Variants in ASAP1 observed in about 807,000 individuals in gnomAD.
The protein encoded by ASAP1 is ArfGAP with SH3 domain, ankyrin repeat and PH domain 1.
Under a neutral mutation model 145.2 loss-of-function variants are expected in ASAP1, and 43 were observed. That is an observed-to-expected ratio of 0.30 (90% CI 0.23 to 0.38). ASAP1 has a LOEUF of 0.38. ASAP1 is among the 10% of genes least tolerant of loss of function. The pLI is 1.00. For missense variants in ASAP1, 1,018 were observed against 1,355.3 expected, an observed-to-expected ratio of 0.75 and a Z score of 3.91; for synonymous variants, 546 against 515.5, an observed-to-expected ratio of 1.06 and a Z score of -0.80.
intron 2 of ASAP1, among the ~76,000 whole-genome samples, chr8:130,387,844 A>G (rs948036744): frequency 2.0e-5 from 3 of 152,216 alleles, no homozygotes; most frequent in African/African-American, 4.8e-5. Context: ...CTGAACATCT[A>G]TGTACCAGAC....
intron 5 of ASAP1, among the ~76,000 whole-genome samples, chr8:130,190,771 C>T (rs1298725297): frequency 6.6e-6 from 1 of 152,204 alleles, no homozygotes; most frequent in Non-Finnish European, 1.5e-5. Context: ...CCTCCTTGGC[C>T]TCCCAAAGTG....
rs2136223526 is a variant in ASAP1 at position 130,188,176 on chromosome 8, C to T, written c.413G>A (p.Gly138Asp). ...LSTLLKNLLQ[G>D]LSHNVIFTLD... ...GGTGAAGATCACATTGTGGCTCAAA[C>T]CCTGGAGCTGAAAAAGCAAAGGGAA... is the stretch of plus-strand genomic sequence containing the variant. Residue 138 changes from glycine to aspartate, a missense_variant, in exon 6 of 30, where the codon GGT (glycine) becomes GAT (aspartate). This residue lies in a region of ASAP1 where 78 missense variants were observed against 161.0 expected (regional missense o/e 0.48). Transcript: ENST00000518721. 1 of 1,613,680 alleles carries T rather than the reference C, an allele frequency of 6.2e-7. No individual in the cohort carries two copies. Among genetic ancestry groups the T allele is most frequent in the South Asian group, 1.1e-5 (1 of 91,072 alleles).
intron 5 of ASAP1, among the ~76,000 whole-genome samples, chr8:130,200,150 G>A (rs1483437318): frequency 6.6e-6 from 1 of 152,190 alleles, no homozygotes; most frequent in Non-Finnish European, 1.5e-5. Context: ...TGAATTAATG[G>A]AGTAATGACA....
intron 4 of ASAP1, among the ~76,000 whole-genome samples, chr8:130,235,960 C>G (rs1447030447): frequency 6.6e-6 from 1 of 152,040 alleles, no homozygotes; most frequent in Non-Finnish European, 1.5e-5. Context: ...ATCATTAAAT[C>G]CCTTCAACAA....
At chr8:130,120,230 CA>C (rs1489525910) in intron 18 of ASAP1, among the ~76,000 whole-genome samples, 2 of 152,184 alleles carry the variant, frequency 1.3e-5, no homozygotes, top group Admixed American at 6.5e-5. Flanking sequence ...TTCCAGTAAC[CA>C]AAAGAACGGC....
intron 3 of ASAP1, among the ~76,000 whole-genome samples, chr8:130,333,020 C>T (rs1011700542): frequency 6.6e-6 from 1 of 152,036 alleles, no homozygotes; most frequent in African/African-American, 2.4e-5. Context: ...GTGATTCAAG[C>T]ACAAAGCGGT....
intron 2 of ASAP1, among the ~76,000 whole-genome samples, chr8:130,362,845 A>C (rs1826780988): frequency 6.6e-6 from 1 of 152,098 alleles, no homozygotes; most frequent in Non-Finnish European, 1.5e-5. Context: ...AGTTAAGACC[A>C]ACTCACTAAA....
chr8:130,076,987 A>G (rs1196121636), intron 26 of ASAP1, among the ~76,000 whole-genome samples: 2 of 152,204 alleles, frequency 1.3e-5, no homozygotes, highest in Non-Finnish European at 2.9e-5. Flanking sequence ...GGTGACCCCA[A>G]TGTAGTGCAC....
chr8:130,065,027 A>C (rs1275634387), intron 27 of ASAP1, among the ~76,000 whole-genome samples: 1 of 151,614 alleles, frequency 6.6e-6, no homozygotes, highest in Non-Finnish European at 1.5e-5. Context: ...GGCCTGTGTC[A>C]CCATGCCCAG....
At chr8:130,070,088 G>T (rs1438360979) in intron 27 of ASAP1, among the ~76,000 whole-genome samples, 1 of 152,104 alleles carries the variant, frequency 6.6e-6, no homozygotes. Context: ...CCAGGCTGGA[G>T]TGCAGTGGCG....
At chr8:130,144,542 A>C (rs553788663) in intron 13 of ASAP1, among the ~76,000 whole-genome samples, 16 of 152,346 alleles carry the variant, frequency 1.1e-4, no homozygotes, top group African/African-American at 3.6e-4. Context: ...AGGAAAACTT[A>C]CAAAGTCAGT....
At chr8:130,155,761 A>C (rs1284049370) in intron 12 of ASAP1, among the ~76,000 whole-genome samples, 1 of 152,238 alleles carries the variant, frequency 6.6e-6, no homozygotes, top group African/African-American at 2.4e-5. Flanking sequence ...CAAATGTTCC[A>C]GTCTGCATAG....
chr8:130,376,641 G>A (rs1053926879), intron 2 of ASAP1, among the ~76,000 whole-genome samples: 5 of 152,054 alleles, frequency 3.3e-5, no homozygotes, highest in South Asian at 2.1e-4. Context: ...CAAGAGAATC[G>A]CTTGAACCAG....
intron 5 of ASAP1, among the ~76,000 whole-genome samples, chr8:130,201,676 T>C (rs1815879964): frequency 6.6e-6 from 1 of 152,234 alleles, no homozygotes; most frequent in Non-Finnish European, 1.5e-5. Flanking sequence ...GTGTGCTATA[T>C]GGCTAGGCCT....
At chr8:130,246,827 G>T (rs1346094023) in intron 3 of ASAP1, 3 of 152,068 alleles carry the variant, frequency 2.0e-5, no homozygotes. Context: ...CTTTTCTCTG[G>T]GATGCTCATT....
chr8:130,313,088 A>G (rs556952586), intron 3 of ASAP1, among the ~76,000 whole-genome samples: 68 of 152,336 alleles, frequency 4.5e-4, no homozygotes, highest in African/African-American at 1.5e-3. Flanking sequence ...TGGAAGAATC[A>G]TAAGTACATT....
At chr8:130,354,978 C>T (rs184324400) in intron 3 of ASAP1, among the ~76,000 whole-genome samples, 8 of 152,328 alleles carry the variant, frequency 5.3e-5, no homozygotes, top group Admixed American at 3.3e-4. Context: ...CTCGGCCTCC[C>T]GGGTTCATAT....
intron 3 of ASAP1, among the ~76,000 whole-genome samples, chr8:130,270,346 G>C (rs931173715): frequency 1.3e-5 from 2 of 152,166 alleles, no homozygotes; most frequent in Non-Finnish European, 2.9e-5. Context: ...GTGACCTGCA[G>C]TTTGAATACT....
chr8:130,284,923 C>T (rs1314824000), intron 3 of ASAP1, among the ~76,000 whole-genome samples: 2 of 151,510 alleles, frequency 1.3e-5, no homozygotes, highest in Non-Finnish European at 1.5e-5. Flanking sequence ...GACAGAGAGA[C>T]ATACACTCAT....
Sources: allele counts gnomAD v4.1 joint callset (sites outside exome capture counted in the v4.1 genomes callset), GRCh38; gene constraint gnomAD v4.1.1; regional missense constraint gnomAD v4.1.1; transcripts MANE v1.5; gene names NCBI Gene and HGNC (gene_info 2026-07-23, HGNC 2026-07-21).